The following NCKAP5 variants were observed in gnomAD, a reference collection of about 807,000 sequenced individuals.
NCKAP5 encodes nck-associated protein 5.
In NCKAP5, 92 loss-of-function variants were observed where a neutral mutation model predicts 167.0. That is an observed-to-expected ratio of 0.55 (90% CI 0.47 to 0.66). The LOEUF (loss-of-function observed/expected upper bound fraction) is 0.66, where lower values mean the gene tolerates loss of function less well. Among genes scored for constraint, NCKAP5 ranks in the 30% least tolerant of loss-of-function variants. The pLI, the probability that NCKAP5 is intolerant of heterozygous loss-of-function variation, is 0.00. For missense variants in NCKAP5, 2,378 were observed against 2,315.0 expected, an observed-to-expected ratio of 1.03 and a Z score of -0.56; for synonymous variants, 891 against 877.4, an observed-to-expected ratio of 1.02 and a Z score of -0.27.
rs116586863 is a variant in NCKAP5, at chr2:133,098,890, T to C, written c.341+31088A>G. The stretch of plus-strand genomic sequence containing the variant: ...AAATTACCAAGAGCACAAGCATAAA[T>C]TGGTGTTTAATTGTTTCTGGAAGAT... On this transcript the variant is annotated intron_variant, in intron 6 of 19. Transcript: ENST00000409261. Among the ~76,000 whole-genome samples, 832 of 152,328 alleles carry C rather than the reference T, an allele frequency of 5.5e-3. 1 individual carries two copies. Among genetic ancestry groups the C allele is most frequent in the African/African-American group, 0.019 (785 of 41,594 alleles).
At chr2:133,650,724 A>C in the NCKAP5 span, among the ~76,000 whole-genome samples, 1 of 152,068 alleles carries the variant, frequency 6.6e-6, no homozygotes, top group South Asian at 2.1e-4. Flanking sequence ...CGAGAAAAAA[A>C]AAAGAAAAAT....
At chr2:133,515,970 ATTAT>A (rs1283167005) in intron 3 of NCKAP5, among the ~76,000 whole-genome samples, 1 of 152,240 alleles carries the variant, frequency 6.6e-6, no homozygotes, top group African/African-American at 2.4e-5. Context: ...ACAATAGCTT[ATTAT>A]GTTTAACTTT....
chr2:132,755,236 G>C (rs1680436073), intron 16 of NCKAP5, among the ~76,000 whole-genome samples: 1 of 152,216 alleles, frequency 6.6e-6, no homozygotes, highest in Admixed American at 6.5e-5. Context: ...GTTGAAGTGA[G>C]ATATTGCATG....
At chr2:133,465,152 T>A (rs1169065123) in intron 3 of NCKAP5, among the ~76,000 whole-genome samples, 3 of 74,716 alleles carry the variant, frequency 4.0e-5, no homozygotes, top group East Asian at 9.5e-4. Flanking sequence ...GTGCTATCCC[T>A]CCCCCCTCCC....
intron 5 of NCKAP5, among the ~76,000 whole-genome samples, chr2:133,206,650 C>G (rs1298123669): frequency 6.6e-6 from 1 of 152,118 alleles, no homozygotes; most frequent in East Asian, 1.9e-4. Flanking sequence ...TCAGTGCCCC[C>G]TGAAAAGAAC....
chr2:133,390,066 G>C (rs1377280199), intron 3 of NCKAP5, among the ~76,000 whole-genome samples: 3 of 152,194 alleles, frequency 2.0e-5, no homozygotes, highest in African/African-American at 7.2e-5. Context: ...AAGGATGGCA[G>C]GTAACATTCA....
At chr2:133,373,980 G>A (rs1685972539) in intron 3 of NCKAP5, among the ~76,000 whole-genome samples, 1 of 152,196 alleles carries the variant, frequency 6.6e-6, no homozygotes, top group African/African-American at 2.4e-5. Context: ...CTATATGTAG[G>A]ATAGTAATGG....
At chr2:133,643,485 T>A in the NCKAP5 span, among the ~76,000 whole-genome samples, 1 of 152,176 alleles carries the variant, frequency 6.6e-6, no homozygotes, top group East Asian at 1.9e-4. Flanking sequence ...ATTTCCCTCC[T>A]TCTAGCCCCT....
At chr2:132,826,909 G>A (rs909275896) in intron 11 of NCKAP5, among the ~76,000 whole-genome samples, 1 of 152,192 alleles carries the variant, frequency 6.6e-6, no homozygotes, top group African/African-American at 2.4e-5. Context: ...TGCGATGGGT[G>A]CTGGGCAAGG....
intron 8 of NCKAP5, among the ~76,000 whole-genome samples, chr2:132,905,948 A>G (rs747794663): frequency 5.3e-5 from 8 of 152,198 alleles, no homozygotes; most frequent in Non-Finnish European, 7.4e-5. Context: ...TCCAAAAACA[A>G]TGTGAACTAA....
At chr2:133,440,632 C>T (rs1690775957) in intron 3 of NCKAP5, among the ~76,000 whole-genome samples, 1 of 148,762 alleles carries the variant, frequency 6.7e-6, no homozygotes, top group African/African-American at 2.5e-5. Flanking sequence ...ATGGTGTGAA[C>T]CCAGGAGGCG....
the NCKAP5 span, among the ~76,000 whole-genome samples, chr2:133,604,020 C>T: frequency 6.6e-6 from 1 of 152,140 alleles, no homozygotes; most frequent in Non-Finnish European, 1.5e-5. Flanking sequence ...GAGGCAGGAG[C>T]TATTAAAGAC....
At chr2:132,735,512 C>T (rs999893518) in intron 16 of NCKAP5, among the ~76,000 whole-genome samples, 5 of 152,222 alleles carry the variant, frequency 3.3e-5, no homozygotes, top group African/African-American at 1.2e-4. Flanking sequence ...GCTTCCTATA[C>T]AGCCTGCAGA....
intron 11 of NCKAP5, among the ~76,000 whole-genome samples, chr2:132,810,244 G>A (rs566142663): frequency 6.6e-6 from 1 of 152,308 alleles, no homozygotes. Flanking sequence ...TGATGACAAT[G>A]TGCCTAGGCA....
intron 19 of NCKAP5, among the ~76,000 whole-genome samples, chr2:132,717,066 T>C (rs755219094): frequency 2.2e-4 from 34 of 152,262 alleles, no homozygotes; most frequent in Non-Finnish European, 4.6e-4. Flanking sequence ...GTTGGATGAA[T>C]AGTGACTAAG....
At chr2:132,808,122 G>T (rs888168511) in intron 11 of NCKAP5, among the ~76,000 whole-genome samples, 6 of 152,130 alleles carry the variant, frequency 3.9e-5, no homozygotes, top group South Asian at 4.2e-4. Flanking sequence ...GATCATGGTG[G>T]TTTATCTTTT....
intron 6 of NCKAP5, among the ~76,000 whole-genome samples, chr2:133,013,976 C>T (rs11903957): frequency 0.011 from 1,681 of 152,304 alleles, 25 homozygotes; most frequent in African/African-American, 0.038. Flanking sequence ...ACAGCTTCCT[C>T]TTTCCTTGAC....
chr2:133,053,664 G>A (rs769070877), intron 6 of NCKAP5, among the ~76,000 whole-genome samples: 7 of 152,140 alleles, frequency 4.6e-5, no homozygotes, highest in East Asian at 1.9e-4. Flanking sequence ...ACTCTCTTTC[G>A]CTAATTTCCA....
At chr2:133,500,188 C>A (rs1682374931) in intron 3 of NCKAP5, among the ~76,000 whole-genome samples, 2 of 152,202 alleles carry the variant, frequency 1.3e-5, no homozygotes, top group South Asian at 2.1e-4. Context: ...GAAAAACACA[C>A]TGAGGATAAA....
Sources: gnomAD v4.1 joint callset for allele counts (sites outside exome capture counted in the v4.1 genomes callset) on GRCh38, gnomAD v4.1.1 for gene constraint, MANE v1.5 for transcripts, NCBI Gene and HGNC (gene_info 2026-07-23, HGNC 2026-07-21) for gene names.